The following TMEM67 variants were observed in gnomAD, a reference collection of about 807,000 sequenced individuals.
TMEM67 encodes the protein meckelin.
Under a neutral mutation model 136.6 loss-of-function variants are expected in TMEM67, and 124 were observed. That is an observed-to-expected ratio of 0.91 (90% CI 0.78 to 1.05). TMEM67 has a LOEUF of 1.05. Ranked by LOEUF, TMEM67 falls within the 50% of genes least tolerant of loss-of-function variation. The pLI is 0.00. For synonymous variants in TMEM67, 364 were observed against 390.5 expected (o/e 0.93, Z 0.80); for missense variants, 1,107 against 1,178.4 (o/e 0.94, Z 0.89).
At chr8:93,761,735 A>G (rs1265909401) in intron 3 of TMEM67, among the ~76,000 whole-genome samples, 2 of 152,248 alleles carry the variant, frequency 1.3e-5, no homozygotes, top group South Asian at 2.1e-4. Context: ...GGAATAATTT[A>G]TTCATTCATC....
At chr8:93,763,189 C>T (rs962969565) in intron 3 of TMEM67, 1 of 190,954 alleles carries the variant, frequency 5.2e-6, no homozygotes, top group Non-Finnish European at 1.1e-5. Flanking sequence ...CTTAGCCTCC[C>T]AAAGGGCTGG....
chr8:93,791,555 G>A (rs1814375823), intron 15 of TMEM67, among the ~76,000 whole-genome samples: 2 of 152,018 alleles, frequency 1.3e-5, no homozygotes. Context: ...TCTGTTTCAG[G>A]ACCCAATCTA....
chr8:93,824,032 G>C (rs981392985), downstream of TMEM67, among the ~76,000 whole-genome samples: 5 of 152,048 alleles, frequency 3.3e-5, no homozygotes, highest in Non-Finnish European at 7.4e-5. Context: ...TCCTTGCTGG[G>C]GTCAGCTGTT....
chr8:93,768,973 A>T (rs961057692), intron 6 of TMEM67, among the ~76,000 whole-genome samples: 11 of 148,932 alleles, frequency 7.4e-5, no homozygotes, highest in African/African-American at 2.2e-4. Flanking sequence ...AAACTAAATT[A>T]AAAAAAAAAC....
intron 3 of TMEM67, among the ~76,000 whole-genome samples, chr8:93,761,796 T>C (rs1349782081): frequency 6.6e-6 from 1 of 152,232 alleles, no homozygotes; most frequent in Non-Finnish European, 1.5e-5. Context: ...TTTATGTACT[T>C]GGTATTCCAC....
intron 6 of TMEM67, among the ~76,000 whole-genome samples, chr8:93,767,334 A>G (rs915757733): frequency 1.3e-5 from 2 of 152,212 alleles, no homozygotes; most frequent in Admixed American, 6.5e-5. Flanking sequence ...CTTTAAAGTC[A>G]CCATGACTAC....
At chr8:93,811,033 A>G (rs990517885) in intron 26 of TMEM67, among the ~76,000 whole-genome samples, 20 of 152,218 alleles carry the variant, frequency 1.3e-4, no homozygotes, top group African/African-American at 4.6e-4. Flanking sequence ...GATATCATTT[A>G]CCCATATGTT....
In TMEM67 at chr8:93,802,766, A is replaced by T. The variant is rs536628390; in HGVS notation, c.2242-838A>T. On this transcript the variant is annotated intron_variant, in intron 21 of 27. Coordinates refer to ENST00000453321, the MANE Select transcript of TMEM67 (RefSeq NM_153704.6). ...TCCTTTAAAGAGGTTTAAAATATGT[A>T]TATAGAGTATGTAGGAAAACATTTT... Among the ~76,000 whole-genome samples the T allele has an allele frequency of 2.4e-4, 37 of 152,356 alleles. No homozygotes were observed. The South Asian group carries it at 7.7e-3, about 32-fold the overall frequency.
At chr8:93,810,135 A>AT (rs527769358) in intron 26 of TMEM67, among the ~76,000 whole-genome samples, 127 of 150,014 alleles carry the variant, frequency 8.5e-4, no homozygotes, top group Admixed American at 1.8e-3. Context: ...CGCCCAGCTA[A>AT]TTTTTTTTGT....
intron 7 of TMEM67, among the ~76,000 whole-genome samples, chr8:93,777,035 T>A (rs1813578380): frequency 6.6e-6 from 1 of 152,220 alleles, no homozygotes; most frequent in Admixed American, 6.5e-5. Context: ...CAGATGCTGT[T>A]GTTGGTCTAT....
Position 93,755,078 on chromosome 8 carries a change from T to C in TMEM67, c.164T>C (p.Phe55Ser), listed in dbSNP as rs778831425. ...QPEKCDNNQY[F>S]DISALSCVPC... ...GAGAAGTGCGACAACAACCAGTACT[T>C]TGATATCTCCGCCCTCTCGTGTGTT... The change falls in exon 1 of 28, where the codon TTT (phenylalanine) becomes TCT (serine). Residue 55 changes from phenylalanine (F) to serine (S), a missense_variant. Around this residue, in one of 3 missense-constraint regions of TMEM67, gnomAD observed 178 missense variants for 159.2 expected, o/e 1.12. Transcript: ENST00000453321. 1 of 1,614,192 alleles carries C rather than the reference T, an allele frequency of 6.2e-7. No individual in the cohort carries two copies. The highest frequency in any genetic ancestry group is 1.7e-5 in the Admixed American group (1 of 60,024).
rs2130528812 is a variant in TMEM67, at chr8:93,755,868, T to G, written c.312+2T>G. ...TGTAAAAAGTGCCCAGAAAACATGG[T>G]GCGCATAATTTATTTTAAAATAACT... On this transcript the variant is annotated splice_donor_variant, in intron 2 of 27. Transcript: ENST00000453321. LOFTEE classifies it high-confidence loss of function. The G allele has an allele frequency of 1.3e-6, 2 of 1,538,182 alleles. No homozygotes were observed. Among genetic ancestry groups the G allele is most frequent in the Non-Finnish European group, 1.8e-6 (2 of 1,119,162 alleles).
chr8:93,761,751 A>G (rs957150190), intron 3 of TMEM67, among the ~76,000 whole-genome samples: 4 of 152,202 alleles, frequency 2.6e-5, no homozygotes, highest in Admixed American at 6.5e-5. Context: ...TCATCTACAA[A>G]TGTTTATTGA....
rs150044183 is a variant in TMEM67, at chr8:93,766,226, C to T, written c.651+580C>T. Among the ~76,000 whole-genome samples the T allele has an allele frequency of 4.9e-3, 741 of 152,132 alleles. 9 individuals are homozygous for T. Among genetic ancestry groups the T allele is most frequent in the South Asian group, 0.045 (218 of 4,816 alleles). ...GCAACCTCCGCCTCCCAGGTTCAAG[C>T]GATTCTCCTGCCTCAGCGAGTAGCT... is the stretch of plus-strand genomic sequence containing the variant. On this transcript the variant is annotated intron_variant, in intron 6 of 27. Coordinates refer to ENST00000453321, the MANE Select transcript of TMEM67 (RefSeq NM_153704.6).
chr8:93,795,260 G>A lies in TMEM67; in HGVS notation c.1675-149G>A. Reference sequence around the variant, plus strand: ...AGGTAGCAAGGAGGAGGAAGCAGGTGGTCTTTATAGCTGGATCATATGGGG... The same window carrying A: ...AGGTAGCAAGGAGGAGGAAGCAGGTAGTCTTTATAGCTGGATCATATGGGG... On this transcript the variant is annotated intron_variant, in intron 16 of 27. Coordinates refer to ENST00000453321, the MANE Select transcript of TMEM67 (RefSeq NM_153704.6). 1.5e-5 allele frequency: 11 copies of A among 720,356 alleles called. No homozygotes were observed. The South Asian group carries it at 1.7e-4, about 11-fold the overall frequency. The allele number at this position is 720,356 out of a possible 1,614,324, so 44.6% of individuals were successfully genotyped here.
intron 11 of TMEM67, among the ~76,000 whole-genome samples, chr8:93,783,850 C>T (rs1813969902): frequency 6.6e-6 from 1 of 152,194 alleles, no homozygotes; most frequent in Admixed American, 6.5e-5. Context: ...ATCATGAGAA[C>T]AGCATGAGGG....
intron 16 of TMEM67, among the ~76,000 whole-genome samples, chr8:93,793,818 C>T (rs556032084): frequency 1.5e-4 from 23 of 152,100 alleles, no homozygotes; most frequent in African/African-American, 4.6e-4. Context: ...GTGACCCATC[C>T]GTTATTTTTA....
In TMEM67 at chr8:93,763,954, A is replaced by G; in HGVS notation, c.506+13A>G. The G allele has an allele frequency of 1.3e-6, 2 of 1,500,312 alleles. No individual in the cohort carries two copies. The highest frequency in any genetic ancestry group is 1.9e-6 in the Non-Finnish European group (2 of 1,076,602). 92.9% of individuals were successfully genotyped at this position (1,500,312 alleles called of 1,614,324 possible). Reference sequence around the variant, plus strand: ...CTTTAGGAGACAGGTAAGCAGTGTGATGGGGGCTAACTTCATTAATATCAT... The same window carrying G: ...CTTTAGGAGACAGGTAAGCAGTGTGGTGGGGGCTAACTTCATTAATATCAT... On this transcript the variant is annotated intron_variant, in intron 4 of 27. Transcript: ENST00000453321.
chr8:93,769,293 C>T (rs533745877), intron 6 of TMEM67, among the ~76,000 whole-genome samples: 2 of 152,330 alleles, frequency 1.3e-5, no homozygotes, highest in African/African-American at 2.4e-5. Flanking sequence ...CCAGTCCTGC[C>T]GATGCCATGA....
Sources: gnomAD v4.1 joint callset for allele counts (sites outside exome capture counted in the v4.1 genomes callset) on GRCh38, gnomAD v4.1.1 for gene constraint, gnomAD v4.1.1 regional missense constraint, MANE v1.5 for transcripts, NCBI Gene and HGNC (gene_info 2026-07-23, HGNC 2026-07-21) for gene names.